NALF2: variants seen among roughly 807,000 people sequenced by gnomAD.
NALF2 encodes NALCN channel auxiliary factor 2.
In NALF2, 1 loss-of-function variant was observed where a neutral mutation model predicts 24.8. The ratio of observed to expected loss-of-function variants is 0.04; its 90% CI spans 0.01 to 0.19. The LOEUF (loss-of-function observed/expected upper bound fraction) is 0.19. Ranked by LOEUF, NALF2 falls within the 10% of genes least tolerant of loss-of-function variation. The pLI is 1.00. For synonymous variants in NALF2, 254 were observed against 189.8 expected, an observed-to-expected ratio of 1.34 and a Z score of -2.78; for missense variants, 458 against 409.6, an observed-to-expected ratio of 1.12 and a Z score of -1.02.
intron 1 of NALF2, among the ~76,000 whole-genome samples, chrX:69,521,303 T>C (rs1930730194): frequency 1.8e-5 from 2 of 111,168 alleles, no homozygotes; most frequent in South Asian, 7.8e-4. Flanking sequence ...TTCTACTCAT[T>C]TTTTTTTCAA....
At chrX:69,513,318 C>T (rs976005293) in intron 1 of NALF2, among the ~76,000 whole-genome samples, 1 of 112,418 alleles carries the variant, frequency 8.9e-6, no homozygotes. Context: ...TGCAGTAAGA[C>T]TTTGTTGCCC....
intron 1 of NALF2, among the ~76,000 whole-genome samples, chrX:69,508,626 G>A (rs181429962): frequency 9.0e-6 from 1 of 111,484 alleles, no homozygotes; most frequent in East Asian, 2.9e-4. Context: ...CCTGGCTCTC[G>A]AATCCAGCTG....
At chrX:69,518,501 G>A (rs767090267) in intron 1 of NALF2, among the ~76,000 whole-genome samples, 1 of 110,687 alleles carries the variant, frequency 9.0e-6, no homozygotes, top group Admixed American at 9.5e-5. Context: ...ACTCTTGACT[G>A]TTTCTTCTGA....
chrX:69,522,484 G>C (rs1930747373), intron 1 of NALF2, among the ~76,000 whole-genome samples: 2 of 111,787 alleles, frequency 1.8e-5, no homozygotes, highest in Non-Finnish European at 3.8e-5. Context: ...CCTCCTCTCT[G>C]GCCATCTCCC....
chrX:69,528,656 C>T (rs757816597), intron 1 of NALF2, among the ~76,000 whole-genome samples: 1 of 112,205 alleles, frequency 8.9e-6, no homozygotes, highest in African/African-American at 3.2e-5. Context: ...TCAGATACTT[C>T]CTTGGACCAA....
chrX:69,511,536 C>G (rs1228311304), intron 1 of NALF2, among the ~76,000 whole-genome samples: 1 of 111,868 alleles, frequency 8.9e-6, no homozygotes, highest in Admixed American at 9.5e-5. Context: ...ACACACATCC[C>G]CCGGTCTTCT....
In NALF2 at chrX:69,505,327, G is replaced by A; in HGVS notation, c.45G>A (p.Ala15=). 3 of 1,156,452 alleles carry A rather than the reference G, an allele frequency of 2.6e-6. No homozygotes were observed. The highest frequency in any genetic ancestry group is 3.5e-6 in the Non-Finnish European group (3 of 868,128). The part of the protein sequence containing the change: ...AWMWPGKDAA[A]LTICCCCCCW... ...TGTGGCCCGGGAAAGACGCCGCCGC[G>A]CTGACTATCTGCTGCTGCTGCTGCT... The change falls in exon 1 of 3, where the codon GCG becomes GCA. Residue 15 remains alanine, a synonymous_variant. Transcript: ENST00000252338.
chrX:69,521,236 C>A (rs1486844915), intron 1 of NALF2, among the ~76,000 whole-genome samples: 1 of 111,655 alleles, frequency 9.0e-6, no homozygotes, highest in Admixed American at 9.5e-5. Flanking sequence ...GGCCTTTATG[C>A]CTGCTCATTT....
Position 69,505,275 on chromosome X carries a change from C to T in NALF2, c.-8C>T. ...GCCTGTTCCCTCCAGCCCGGACCCC[C>T]CTGAAATATGTTCAGGGGCGCTTGG... On this transcript the variant is annotated 5_prime_UTR_variant, in exon 1 of 3. Transcript: ENST00000252338. 8.8e-7 allele frequency: 1 copy of T among 1,142,303 alleles called. No homozygotes were observed. The highest frequency in any genetic ancestry group is 1.2e-6 in the Non-Finnish European group (1 of 862,116). The allele number at this position is 1,142,303 out of a possible 1,213,427, so 94.1% of individuals were successfully genotyped here.
chrX:69,505,616 G>C lies in NALF2; in HGVS notation c.334G>C (p.Gly112Arg). ...PPPGEPSAPP[G>R]TCGPRYSNLT... Reference sequence around the variant, plus strand: ...GCCCGGCGAGCCCAGCGCGCCCCCAGGCACCTGCGGCCCCAGATACAGCAA... The same window carrying C: ...GCCCGGCGAGCCCAGCGCGCCCCCACGCACCTGCGGCCCCAGATACAGCAA... Residue 112 changes from glycine (G) to arginine (R), a missense_variant, in exon 1 of 3, where the codon GGC becomes CGC. By Grantham distance (125) the Gly-to-Arg change is moderately radical. Coordinates refer to ENST00000252338, the MANE Select transcript of NALF2 (RefSeq NM_015686.3). 1 of 1,132,609 alleles carries C rather than the reference G, an allele frequency of 8.8e-7. No individual in the cohort carries two copies. The highest frequency in any genetic ancestry group is 1.2e-6 in the Non-Finnish European group (1 of 868,623). 93.3% of individuals were successfully genotyped at this position (1,132,609 alleles called of 1,213,427 possible). A position where few individuals can be genotyped will look rare whatever the true frequency, so the allele number is the denominator to read the frequency against.
At position 69,529,719 on chromosome X, in the gene NALF2, C is replaced by T. The variant is rs2147718960; in HGVS notation, c.1182C>T (p.Tyr394=). ...QQFHHSYFHH[Y]HQQYHHYHPH... is the part of the protein sequence containing the mutation. ...TCCACCACTCCTATTTCCACCACTACCACCAACAGTACCATCACTACCACC... is the reference window on the plus strand; with the variant it reads ...TCCACCACTCCTATTTCCACCACTATCACCAACAGTACCATCACTACCACC... The change falls in exon 3 of 3, where the codon TAC becomes TAT. Residue 394 remains tyrosine (Y), a synonymous_variant. Coordinates refer to ENST00000252338, the MANE Select transcript of NALF2 (RefSeq NM_015686.3). The T allele has an allele frequency of 8.3e-7, 1 of 1,208,834 alleles. No individual in the cohort carries two copies. Among genetic ancestry groups the T allele is most frequent in the East Asian group, 3.0e-5 (1 of 33,795 alleles).
chrX:69,510,992 C>T (rs990314906), intron 1 of NALF2, among the ~76,000 whole-genome samples: 2 of 109,716 alleles, frequency 1.8e-5, no homozygotes, highest in African/African-American at 3.4e-5. Flanking sequence ...GTTCTTCCCA[C>T]GTTAGCTCAC....
At chrX:69,519,383 G>A (rs1930703581) in intron 1 of NALF2, among the ~76,000 whole-genome samples, 2 of 111,133 alleles carry the variant, frequency 1.8e-5, no homozygotes, top group Non-Finnish European at 3.8e-5. Flanking sequence ...GGACAGATGA[G>A]TAAGATACAA....
intron 1 of NALF2, among the ~76,000 whole-genome samples, chrX:69,523,802 T>A (rs919103512): frequency 9.0e-6 from 1 of 111,309 alleles, no homozygotes; most frequent in Non-Finnish European, 1.9e-5. Flanking sequence ...TTGAAGAGTC[T>A]AACATGCCAG....
At chrX:69,526,839 G>A (rs952707821) in intron 1 of NALF2, among the ~76,000 whole-genome samples, 2 of 111,747 alleles carry the variant, frequency 1.8e-5, no homozygotes, top group South Asian at 3.8e-4. Flanking sequence ...GCATGTTCAA[G>A]GAAAAGAAAG....
rs1224299779 is a variant in NALF2 at position 69,505,380 on chromosome X, C to A, written c.98C>A (p.Pro33His). Residue 33 changes from proline to histidine, a missense_variant, in exon 1 of 3, where the codon CCT becomes CAT. Coordinates refer to ENST00000252338, the MANE Select transcript of NALF2 (RefSeq NM_015686.3). Reference sequence around the variant, plus strand: ...TGGGCTCCCAGGCCGAGCGACAAACCTTGCGCCGACTCCGAGCGGGCGCAG... The same window carrying A: ...TGGGCTCCCAGGCCGAGCGACAAACATTGCGCCGACTCCGAGCGGGCGCAG... The part of the protein sequence containing the change: ...CCWAPRPSDK[P>H]CADSERAQRW... 8.6e-7 allele frequency: 1 copy of A among 1,159,744 alleles called. No homozygotes were observed. Among genetic ancestry groups the A allele is most frequent in the Non-Finnish European group, 1.1e-6 (1 of 869,809 alleles).
chrX:69,521,258 G>C (rs780748206), intron 1 of NALF2, among the ~76,000 whole-genome samples: 73 of 111,169 alleles, frequency 6.6e-4, no homozygotes, highest in African/African-American at 2.4e-3. Flanking sequence ...TTTGCTTGAA[G>C]TGCACTTATT....
rs1429475079 is a variant in NALF2, at chrX:69,504,892, G to GGA, written c.-390_-389insAG. Among the ~76,000 whole-genome samples the GGA allele has an allele frequency of 2.8e-5, 3 of 107,637 alleles. No homozygotes were observed. The East Asian group carries it at 8.8e-4, about 32-fold the overall frequency. The allele number at this position is 107,637 out of a possible 115,157, so 93.5% of individuals were successfully genotyped here. ...GACGGCCGGTTTGGAGTGCGAGCCGGGCGGCCGCCGGCGCGGAGTGAAGTG... is the reference window on the plus strand; with the variant it reads ...GACGGCCGGTTTGGAGTGCGAGCCGGGAGCGGCCGCCGGCGCGGAGTGAAGTG... On this transcript the variant is annotated 5_prime_UTR_variant, in exon 1 of 3. Coordinates refer to ENST00000252338, the MANE Select transcript of NALF2 (RefSeq NM_015686.3).
At chrX:69,521,796 C>T (rs1486184664) in intron 1 of NALF2, among the ~76,000 whole-genome samples, 1 of 112,069 alleles carries the variant, frequency 8.9e-6, no homozygotes, top group African/African-American at 3.2e-5. Context: ...CTACCTATCA[C>T]AGTGACTTAA....
Sources: gnomAD v4.1 joint callset for allele counts (sites outside exome capture counted in the v4.1 genomes callset) on GRCh38, gnomAD v4.1.1 for gene constraint, MANE v1.5 for transcripts, NCBI Gene and HGNC (gene_info 2026-07-23, HGNC 2026-07-21) for gene names.